Variants in ZDHHC1 observed in about 807,000 individuals in gnomAD.
ZDHHC1 encodes the protein zDHHC palmitoyltransferase 1.
In ZDHHC1, 45 loss-of-function variants were observed where a neutral mutation model predicts 46.9. That is an observed-to-expected ratio of 0.96 (90% CI 0.76 to 1.23). The LOEUF (loss-of-function observed/expected upper bound fraction) is 1.23. ZDHHC1 is among the 50% of genes most tolerant of loss of function. ZDHHC1 has a pLI of 0.00. For synonymous variants in ZDHHC1, 291 were observed against 286.0 expected (o/e 1.02, Z -0.18); for missense variants, 649 against 670.8 (o/e 0.97, Z 0.36).
chr16:67,395,111 A>G lies in ZDHHC1; in HGVS notation c.1105-49T>C, dbSNP rs374630307. On this transcript the variant is annotated intron_variant, in intron 10 of 11. Transcript: ENST00000565726. ...AGGGCCCCACATCGCCAAAAGAAGC[A>G]GAGGCGAGCGCCAGGGTAGAGGCTT... The G allele has an allele frequency of 4.5e-5, 73 of 1,613,164 alleles. No individual in the cohort carries two copies. The highest frequency in any genetic ancestry group is 6.1e-5 in the Non-Finnish European group (72 of 1,179,954).
In ZDHHC1 at chr16:67,395,190, G is replaced by T. The variant is rs200724000; in HGVS notation, c.1101C>A (p.Pro367=). The change falls in exon 10 of 12, where the codon CCC becomes CCA. Residue 367 remains proline (P), a synonymous_variant. Transcript: ENST00000565726. ...GGCCCAGCACAGTCCCTCCTACCTG[G>T]GGTCGGATCCGGGGAGGCAGGGCGA... is the stretch of plus-strand genomic sequence containing the variant. The part of the protein sequence containing the change: ...DTLALPPRIR[P]QKKRKRRVYK... 6.2e-7 allele frequency: 1 copy of T among 1,612,704 alleles called. No homozygotes were observed. The highest frequency in any genetic ancestry group is 2.2e-5 in the East Asian group (1 of 44,866).
Position 67,406,420 on chromosome 16 carries a change from G to C in ZDHHC1, c.32C>G (p.Ser11Cys). 6.4e-7 allele frequency: 1 copy of C among 1,554,992 alleles called. No individual in the cohort carries two copies. The highest frequency in any genetic ancestry group is 2.0e-5 in the Admixed American group (1 of 50,548). Residue 11 changes from serine (S) to cysteine (C), a missense_variant, in exon 3 of 12, where the codon TCC becomes TGC. Physicochemically the swap from Ser to Cys is moderately radical, Grantham distance 112. Coordinates refer to ENST00000565726, the MANE Select transcript of ZDHHC1 (RefSeq NM_001323627.2). This position sits in a 1 kb window ranked among gnomAD's most constrained non-coding sequence, Gnocchi z 4.1. MYKMNICNKP[S>C]NKTAPEKSVW... The stretch of plus-strand genomic sequence containing the variant: ...ACTCTTCTCAGGGGCCGTCTTGTTG[G>C]AGGGCTTGTTGCAGATGTTCATCTC...
intron 8 of ZDHHC1, among the ~76,000 whole-genome samples, chr16:67,396,450 C>T (rs1020199080): frequency 3.9e-5 from 6 of 152,264 alleles, no homozygotes; most frequent in East Asian, 1.9e-4. Context: ...TCCATGGAGA[C>T]GGAGGCGTCC....
intron 8 of ZDHHC1, among the ~76,000 whole-genome samples, chr16:67,397,544 T>C (rs946790475): frequency 2.0e-5 from 3 of 151,838 alleles, no homozygotes; most frequent in Admixed American, 2.0e-4. Flanking sequence ...CCAGTTGCCA[T>C]GAGGCCTCGG....
intron 8 of ZDHHC1, chr16:67,396,373 G>C (rs550491281): frequency 6.6e-6 from 1 of 152,424 alleles, no homozygotes; most frequent in African/African-American, 2.4e-5. Flanking sequence ...GCGGGTCCCG[G>C]GCGGGGTGGG....
At chr16:67,414,919 C>G (rs1466091031) in intron 1 of ZDHHC1, among the ~76,000 whole-genome samples, 1 of 152,160 alleles carries the variant, frequency 6.6e-6, no homozygotes, top group Non-Finnish European at 1.5e-5. Context: ...GCTGGATCAC[C>G]TGAGGTCAGG....
At position 67,398,559 on chromosome 16, in the gene ZDHHC1, C is replaced by T. The variant is rs2040478473; in HGVS notation, c.814+14G>A. The T allele has an allele frequency of 6.3e-7, 1 of 1,587,654 alleles. No individual in the cohort carries two copies. The highest frequency in any genetic ancestry group is 8.5e-7 in the Non-Finnish European group (1 of 1,170,476). On this transcript the variant is annotated intron_variant, in intron 7 of 11. Coordinates refer to ENST00000565726, the MANE Select transcript of ZDHHC1 (RefSeq NM_001323627.2). ...ACCCCTGCGTTCCAGAAGGCAGGTGCAGGAGGCACTTACTGAGATAAATGT... is the reference window on the plus strand; with the variant it reads ...ACCCCTGCGTTCCAGAAGGCAGGTGTAGGAGGCACTTACTGAGATAAATGT...
At position 67,416,477 on chromosome 16, in the gene ZDHHC1, T is replaced by G. The variant is rs1292514816; in HGVS notation, c.-345A>C. The G allele has an allele frequency of 6.3e-6, 1 of 159,448 alleles. No homozygotes were observed. Among genetic ancestry groups the G allele is most frequent in the Non-Finnish European group, 1.4e-5 (1 of 71,356 alleles). 9.9% of individuals were successfully genotyped at this position (159,448 alleles called of 1,614,324 possible). ...AGACTGGCTGGGCCTCGTCCGGCGC[T>G]GGGCCCGTTCCCCTGACAACGGCGC... On this transcript the variant is annotated 5_prime_UTR_variant, in exon 1 of 12. Transcript: ENST00000565726.
Position 67,406,944 on chromosome 16 carries a change from C to T in ZDHHC1, c.10-502G>A, listed in dbSNP as rs949202067. 6.6e-6 allele frequency among the ~76,000 whole-genome samples: 1 copy of T among 152,162 alleles called. No individual in the cohort carries two copies. The highest frequency in any genetic ancestry group is 2.4e-5 in the African/African-American group (1 of 41,434). On this transcript the variant is annotated intron_variant, in intron 2 of 11. Coordinates refer to ENST00000565726, the MANE Select transcript of ZDHHC1 (RefSeq NM_001323627.2). The surrounding 1 kb of genome is among the most constrained non-coding windows in gnomAD (Gnocchi z 4.1). ...GAAGGAGGATCTGCCCTCTCCCCCA[C>T]GGTGGACAGAAAATCCCTTTAGGAC...
chr16:67,395,025 G>C lies in ZDHHC1; in HGVS notation c.1142C>G (p.Ser381Cys), dbSNP rs1374095918. ...ACCCGACGCCGGATCCGAGGTCTCA[G>C]ACGTTCGCACTTTATACACGCGCCT... ...RKRRVYKVRT[S>C]ETSDPASGPR... is the part of the protein sequence containing the mutation. The change falls in exon 11 of 12, where the codon TCT (serine) becomes TGT (cysteine). Residue 381 changes from serine (S) to cysteine (C), a missense_variant. Transcript: ENST00000565726. 2.5e-6 allele frequency: 4 copies of C among 1,612,438 alleles called. No homozygotes were observed. The highest frequency in any genetic ancestry group is 2.5e-6 in the Non-Finnish European group (3 of 1,179,638).
At chr16:67,395,856 CAGGG>C in intron 8 of ZDHHC1, 1 of 420,704 alleles carries the variant, frequency 2.4e-6, no homozygotes, top group Non-Finnish European at 4.4e-6. Flanking sequence ...GAGGCTCAGC[CAGGG>C]AGTGGTGGGA....
At chr16:67,411,126 T>C (rs944267895) in intron 1 of ZDHHC1, among the ~76,000 whole-genome samples, 2 of 152,118 alleles carry the variant, frequency 1.3e-5, no homozygotes, top group African/African-American at 4.8e-5. Flanking sequence ...TGTTCTGAAA[T>C]TCATGCCTAG....
chr16:67,414,331 G>A (rs1263253049), intron 1 of ZDHHC1, among the ~76,000 whole-genome samples: 2 of 152,162 alleles, frequency 1.3e-5, no homozygotes, highest in African/African-American at 4.8e-5. Flanking sequence ...GCATCTCATG[G>A]TGATTATCTG....
chr16:67,404,306 T>G lies in ZDHHC1; in HGVS notation c.252+1894A>C, dbSNP rs572500095. On this transcript the variant is annotated intron_variant, in intron 3 of 11. Coordinates refer to ENST00000565726, the MANE Select transcript of ZDHHC1 (RefSeq NM_001323627.2). ...GTGGCCTCTGCTTGCCCTCACAGTC[T>G]GCTGCACTTACCATGTGGCGTGATC... 15 of 185,392 alleles carry G rather than the reference T, an allele frequency of 8.1e-5. No homozygotes were observed. In the South Asian group the frequency reaches 1.8e-3, roughly 22 times the overall value. The allele number at this position is 185,392 out of a possible 1,614,324, so 11.5% of individuals were successfully genotyped here. A position where few individuals can be genotyped will look rare whatever the true frequency, so the allele number is the denominator to read the frequency against.
intron 3 of ZDHHC1, among the ~76,000 whole-genome samples, chr16:67,403,755 C>T (rs1190045600): frequency 6.6e-6 from 1 of 152,124 alleles, no homozygotes; most frequent in East Asian, 1.9e-4. Context: ...ACTGGGATTG[C>T]AGGCGTGTGC....
At chr16:67,403,677 T>C (rs1239588200) in intron 3 of ZDHHC1, among the ~76,000 whole-genome samples, 1 of 151,968 alleles carries the variant, frequency 6.6e-6, no homozygotes, top group Non-Finnish European at 1.5e-5. Context: ...TGGCGCTATC[T>C]CGGCTCACTG....
At position 67,400,875 on chromosome 16, in the gene ZDHHC1, A is replaced by G. The variant is rs2040537965; in HGVS notation, c.428+82T>C. ...ACATGAGGGTTCTGAGGCATCAGGG[A>G]TGTCTGTGAAGCCCTGGCACCCCCT... On this transcript the variant is annotated intron_variant, in intron 4 of 11. Transcript: ENST00000565726. 3 of 1,495,280 alleles carry G rather than the reference A, an allele frequency of 2.0e-6. No homozygotes were observed. In the East Asian group the frequency reaches 6.8e-5, roughly 34 times the overall value. 92.6% of individuals were successfully genotyped at this position (1,495,280 alleles called of 1,614,324 possible).
chr16:67,412,677 G>A (rs1237939258), intron 1 of ZDHHC1, among the ~76,000 whole-genome samples: 1 of 152,210 alleles, frequency 6.6e-6, no homozygotes, highest in Non-Finnish European at 1.5e-5. Context: ...AGCCAACTCA[G>A]CTACCTGAGA....
At chr16:67,399,567 G>C in intron 4 of ZDHHC1, 111 bp from the exon 5 acceptor site, 1 of 861,200 alleles carries the variant, frequency 1.2e-6, no homozygotes, top group Admixed American at 3.0e-5. Context: ...CCAGGCCTGA[G>C]ACAGCCCCGA....
Sources: gnomAD v4.1 joint callset for allele counts (sites outside exome capture counted in the v4.1 genomes callset) on GRCh38, gnomAD v4.1.1 for gene constraint, Gnocchi (gnomAD v3.1) non-coding constraint, MANE v1.5 for transcripts, NCBI Gene and HGNC (gene_info 2026-07-23, HGNC 2026-07-21) for gene names.